The following ITPR1 variants were observed in gnomAD, a reference collection of about 807,000 sequenced individuals.
The protein encoded by ITPR1 is inositol 1,4,5-trisphosphate-gated calcium channel ITPR1.
In ITPR1, 96 loss-of-function variants were observed where a neutral mutation model predicts 318.4. The ratio of observed to expected loss-of-function variants is 0.30; its 90% CI spans 0.26 to 0.36. The LOEUF is 0.36. Ranked by LOEUF, ITPR1 falls within the 10% of genes least tolerant of loss-of-function variation. ITPR1 has a pLI of 1.00. For missense variants in ITPR1, 2,440 were observed against 3,460.2 expected (o/e 0.71, Z 7.40); for synonymous variants, 1,312 against 1,289.9 (o/e 1.02, Z -0.37).
At chr3:4,665,419 G>A in intron 17 of ITPR1, 123 bp downstream of exon 17, 11 of 844,804 alleles carry the variant, frequency 1.3e-5, no homozygotes. Context: ...GTTCAGTGTT[G>A]AGCTTGCTCT....
intron 55 of ITPR1, among the ~76,000 whole-genome samples, chr3:4,808,901 T>C (rs1400113883): frequency 6.6e-6 from 1 of 152,164 alleles, no homozygotes; most frequent in Non-Finnish European, 1.5e-5. Flanking sequence ...GTCGTGAGCC[T>C]GCATTAAAGC....
intron 52 of ITPR1, among the ~76,000 whole-genome samples, chr3:4,790,093 G>C (rs1281137950): frequency 6.6e-6 from 1 of 152,176 alleles, no homozygotes; most frequent in Non-Finnish European, 1.5e-5. Flanking sequence ...TCTCCAAAAG[G>C]CTTATTTTGG....
At chr3:4,680,167 C>T (rs780461703) in intron 24 of ITPR1, among the ~76,000 whole-genome samples, 5 of 152,114 alleles carry the variant, frequency 3.3e-5, no homozygotes, top group Non-Finnish European at 7.4e-5. Flanking sequence ...TTTGTTAATT[C>T]TCTTAAATCC....
At chr3:4,515,056 T>C (rs2082084234) in intron 2 of ITPR1, among the ~76,000 whole-genome samples, 1 of 152,232 alleles carries the variant, frequency 6.6e-6, no homozygotes, top group South Asian at 2.1e-4. Flanking sequence ...TGTCTCCCTC[T>C]ATAAATAAGT....
intron 52 of ITPR1, among the ~76,000 whole-genome samples, chr3:4,794,335 C>T (rs1325242832): frequency 1.3e-5 from 2 of 152,216 alleles, no homozygotes; most frequent in Admixed American, 6.5e-5. Flanking sequence ...GTCTCTGTCT[C>T]TTGCCCCTTT....
At chr3:4,747,468 A>G (rs937572812) in intron 44 of ITPR1, among the ~76,000 whole-genome samples, 2 of 152,124 alleles carry the variant, frequency 1.3e-5, no homozygotes, top group African/African-American at 2.4e-5. Context: ...CGCTTCAAGG[A>G]CTTTGCGTCT....
chr3:4,780,998 C>G (rs930360178), intron 49 of ITPR1, among the ~76,000 whole-genome samples: 2 of 152,256 alleles, frequency 1.3e-5, no homozygotes, highest in Non-Finnish European at 2.9e-5. Context: ...GGAACAAACA[C>G]TGTTCTAAGA....
At chr3:4,740,453 G>T (rs539680885) in intron 44 of ITPR1, among the ~76,000 whole-genome samples, 1 of 152,292 alleles carries the variant, frequency 6.6e-6, no homozygotes, top group Admixed American at 6.5e-5. Flanking sequence ...CCAGACCCTA[G>T]AGGATTCAAT....
intron 35 of ITPR1, among the ~76,000 whole-genome samples, chr3:4,700,953 A>G (rs1432977484): frequency 1.3e-5 from 2 of 152,164 alleles, no homozygotes; most frequent in African/African-American, 4.8e-5. Context: ...ACAGCATGGG[A>G]AAGACCCACC....
At chr3:4,624,632 T>G (rs577365401) in intron 4 of ITPR1, among the ~76,000 whole-genome samples, 1 of 134,846 alleles carries the variant, frequency 7.4e-6, no homozygotes, top group East Asian at 2.1e-4. Context: ...ATCGTGCCAC[T>G]GCACTCCAGC....
intron 52 of ITPR1, 53 bp downstream of exon 52, chr3:4,788,192 A>T: frequency 1.4e-6 from 2 of 1,447,088 alleles, no homozygotes; most frequent in Non-Finnish European, 1.9e-6. Flanking sequence ...CTGGGATTTC[A>T]CAAACTTGGG....
intron 24 of ITPR1, among the ~76,000 whole-genome samples, chr3:4,678,964 A>T (rs1298366921): frequency 6.6e-6 from 1 of 152,190 alleles, no homozygotes; most frequent in Non-Finnish European, 1.5e-5. Flanking sequence ...AGCCTTTGAA[A>T]GTCTTCAAGC....
intron 5 of ITPR1, among the ~76,000 whole-genome samples, chr3:4,633,002 G>C (rs1373490307): frequency 7.6e-6 from 1 of 131,390 alleles, no homozygotes. Context: ...GTAGTGGCAC[G>C]ATCTCAGCTC....
chr3:4,751,708 A>ATTT (rs143421225), intron 44 of ITPR1: 2 of 151,752 alleles, frequency 1.3e-5, no homozygotes. Flanking sequence ...CAAGTAGGTA[A>ATTT]TTTTTTTTTC....
chr3:4,499,335 AAC>A (rs1163295887), intron 2 of ITPR1, among the ~76,000 whole-genome samples: 2 of 152,220 alleles, frequency 1.3e-5, no homozygotes, highest in African/African-American at 4.8e-5. Flanking sequence ...AAAAGGGACT[AAC>A]ACAGTATCTC....
intron 60 of ITPR1, among the ~76,000 whole-genome samples, chr3:4,824,111 G>A (rs921678528): frequency 6.6e-6 from 1 of 152,168 alleles, no homozygotes; most frequent in Non-Finnish European, 1.5e-5. Context: ...GACTAACGTG[G>A]ACAGTGAAAT....
intron 4 of ITPR1, among the ~76,000 whole-genome samples, chr3:4,546,578 C>T (rs1272296480): frequency 6.6e-6 from 1 of 152,168 alleles, no homozygotes; most frequent in African/African-American, 2.4e-5. Context: ...CAAATGCATG[C>T]TCTGCCTTCA....
At chr3:4,652,421 A>T (rs1163942159) in intron 11 of ITPR1, among the ~76,000 whole-genome samples, 1 of 152,180 alleles carries the variant, frequency 6.6e-6, no homozygotes, top group Non-Finnish European at 1.5e-5. Context: ...GGTGACAGGG[A>T]TGCTGATCAA....
intron 55 of ITPR1, among the ~76,000 whole-genome samples, chr3:4,810,421 C>T (rs2048860558): frequency 6.6e-6 from 1 of 152,212 alleles, no homozygotes; most frequent in Admixed American, 6.5e-5. Flanking sequence ...AAGGATCCTC[C>T]ATTCCTCAGG....
Sources: allele counts gnomAD v4.1 joint callset (sites outside exome capture counted in the v4.1 genomes callset), GRCh38; gene constraint gnomAD v4.1.1; transcripts MANE v1.5; gene names NCBI Gene and HGNC (gene_info 2026-07-23, HGNC 2026-07-21).